Variants in OPCML observed in about 807,000 individuals in gnomAD.
OPCML encodes the protein opioid binding protein/cell adhesion molecule like, also known as opioid-binding protein/cell adhesion molecule.
A neutral mutation model predicts 37.8 loss-of-function variants in OPCML; 13 were observed. The ratio of observed to expected loss-of-function variants is 0.34; its 90% CI spans 0.22 to 0.55. The LOEUF is 0.55. Among genes scored for constraint, OPCML ranks in the 20% least tolerant of loss-of-function variants. The pLI is 0.91. For missense variants in OPCML, 341 were observed against 435.6 expected (o/e 0.78, Z 1.93); for synonymous variants, 176 against 168.8 (o/e 1.04, Z -0.33).
At chr11:132,657,400 A>T in intron 2 of OPCML, 81 bp from the exon 3 acceptor site, 1 of 1,510,786 alleles carries the variant, frequency 6.6e-7, no homozygotes, top group Non-Finnish European at 8.9e-7. Context: ...GGTAAATAAG[A>T]CGTTGCATTT....
chr11:132,557,779 A>G (rs1226217305), intron 3 of OPCML, among the ~76,000 whole-genome samples: 1 of 149,954 alleles, frequency 6.7e-6, no homozygotes, highest in Non-Finnish European at 1.5e-5. Flanking sequence ...TGAGAAGGTG[A>G]TAAGTACACA....
chr11:133,204,885 T>C (rs1298477296), intron 1 of OPCML, among the ~76,000 whole-genome samples: 1 of 31,002 alleles, frequency 3.2e-5, no homozygotes, highest in Non-Finnish European at 8.6e-5. Context: ...TATATATATA[T>C]ATATATATAT....
At position 133,211,311 on chromosome 11, in the gene OPCML, C is replaced by T. The variant is rs1939348034; in HGVS notation, c.62-268301G>A. On this transcript the variant is annotated intron_variant, in intron 1 of 7. Coordinates refer to ENST00000524381, the MANE Select transcript of OPCML (RefSeq NM_001012393.5). This position sits in a 1 kb window ranked among gnomAD's most constrained non-coding sequence, Gnocchi z 4.1. ...ACCACAGCACCCAGCACCTAAAAATCCACTCTTTAAGCATAATAGTCTATT... is the reference window on the plus strand; with the variant it reads ...ACCACAGCACCCAGCACCTAAAAATTCACTCTTTAAGCATAATAGTCTATT... Among the ~76,000 whole-genome samples, 1 of 152,124 alleles carries T rather than the reference C, an allele frequency of 6.6e-6. No individual in the cohort carries two copies. The highest frequency in any genetic ancestry group is 1.5e-5 in the Non-Finnish European group (1 of 68,036).
At chr11:132,500,776 C>G (rs1220963478) in intron 4 of OPCML, among the ~76,000 whole-genome samples, 2 of 152,084 alleles carry the variant, frequency 1.3e-5, no homozygotes, top group Non-Finnish European at 2.9e-5. Context: ...CATTGTTCAT[C>G]TCCCACTTAT....
chr11:133,380,527 G>A (rs1383705752), intron 1 of OPCML, among the ~76,000 whole-genome samples: 2 of 152,122 alleles, frequency 1.3e-5, no homozygotes, highest in African/African-American at 4.8e-5. Context: ...ATGTCAATAT[G>A]GCCTAAAATT....
At chr11:133,371,818 C>T (rs140674880) in intron 1 of OPCML, among the ~76,000 whole-genome samples, 20 of 152,136 alleles carry the variant, frequency 1.3e-4, no homozygotes, top group Non-Finnish European at 2.1e-4. Context: ...TAATTCTATA[C>T]GTACTGGAAT....
At position 133,212,727 on chromosome 11, in the gene OPCML, C is replaced by T. The variant is rs183286242; in HGVS notation, c.62-269717G>A. ...TATGGCTCTGTGTCTATTATCCATT[C>T]GCTTAGAATAGTGTTTGAATGAATG... is the stretch of plus-strand genomic sequence containing the variant. On this transcript the variant is annotated intron_variant, in intron 1 of 7. Coordinates refer to ENST00000524381, the MANE Select transcript of OPCML (RefSeq NM_001012393.5). This position sits in a 1 kb window ranked among gnomAD's most constrained non-coding sequence, Gnocchi z 4.9. Among the ~76,000 whole-genome samples, 121 of 152,286 alleles carry T rather than the reference C, an allele frequency of 7.9e-4. No individual in the cohort carries two copies. Among genetic ancestry groups the T allele is most frequent in the African/African-American group, 2.8e-3 (116 of 41,538 alleles).
intron 1 of OPCML, among the ~76,000 whole-genome samples, chr11:133,090,218 C>T (rs1010008279): frequency 6.6e-6 from 1 of 152,076 alleles, no homozygotes; most frequent in Non-Finnish European, 1.5e-5. Context: ...CCTTACCTCG[C>T]CTGCCAACTC....
intron 1 of OPCML, among the ~76,000 whole-genome samples, chr11:132,986,665 G>T (rs900593568): frequency 1.3e-5 from 2 of 152,102 alleles, no homozygotes; most frequent in African/African-American, 2.4e-5. Flanking sequence ...AGCTTGTAAG[G>T]GTTCTGTATC....
chr11:132,679,379 G>C (rs925493885), intron 2 of OPCML, among the ~76,000 whole-genome samples: 13 of 152,178 alleles, frequency 8.5e-5, no homozygotes, highest in Non-Finnish European at 1.5e-4. Flanking sequence ...TAAAATGTGG[G>C]TATATCCACA....
chr11:133,484,164 G>GA (rs1565660282), intron 1 of OPCML, among the ~76,000 whole-genome samples: 8,334 of 138,268 alleles, frequency 0.06, 292 homozygotes, highest in African/African-American at 0.084. Context: ...AGATAGATAG[G>GA]TAGATAGATA....
At chr11:133,500,363 C>T (rs187949520) in intron 1 of OPCML, among the ~76,000 whole-genome samples, 97 of 152,338 alleles carry the variant, frequency 6.4e-4, no homozygotes, top group Middle Eastern at 3.4e-3. Flanking sequence ...TGGATTAACT[C>T]CTGTCACCAA....
At chr11:132,707,914 T>C (rs943748974) in intron 2 of OPCML, among the ~76,000 whole-genome samples, 1 of 152,156 alleles carries the variant, frequency 6.6e-6, no homozygotes, top group African/African-American at 2.4e-5. Flanking sequence ...ATTTGGGTCA[T>C]ATATGACAGT....
intron 2 of OPCML, among the ~76,000 whole-genome samples, chr11:132,866,340 C>T (rs759775021): frequency 6.6e-6 from 1 of 152,202 alleles, no homozygotes; most frequent in Non-Finnish European, 1.5e-5. Flanking sequence ...ATCATGAAAT[C>T]ATCAAATGCT....
chr11:132,636,489 C>T (rs543005562), intron 3 of OPCML, among the ~76,000 whole-genome samples: 1 of 152,326 alleles, frequency 6.6e-6, no homozygotes, highest in African/African-American at 2.4e-5. Context: ...TACATGCTGG[C>T]ATAGGGAAGT....
chr11:133,221,682 C>T (rs956528750), intron 1 of OPCML, among the ~76,000 whole-genome samples: 3 of 152,104 alleles, frequency 2.0e-5, no homozygotes, highest in Non-Finnish European at 4.4e-5. Flanking sequence ...CTGGATTATC[C>T]TGAGGTGAGA....
intron 1 of OPCML, among the ~76,000 whole-genome samples, chr11:133,286,030 C>A (rs1428603374): frequency 6.6e-6 from 1 of 152,134 alleles, no homozygotes; most frequent in Non-Finnish European, 1.5e-5. Context: ...GATGGAGAGG[C>A]AGGCTTCCTT....
intron 1 of OPCML, among the ~76,000 whole-genome samples, chr11:133,228,776 C>T (rs973135737): frequency 6.6e-6 from 1 of 152,268 alleles, no homozygotes; most frequent in Non-Finnish European, 1.5e-5. Flanking sequence ...GCACCGCACA[C>T]GCGGAGGCTG....
chr11:133,051,911 T>G (rs1441215193), intron 1 of OPCML, among the ~76,000 whole-genome samples: 3 of 152,202 alleles, frequency 2.0e-5, no homozygotes, highest in African/African-American at 4.8e-5. Context: ...CTTTTTGTCA[T>G]GCACTTGTCT....
Sources: allele counts gnomAD v4.1 joint callset (sites outside exome capture counted in the v4.1 genomes callset), GRCh38; gene constraint gnomAD v4.1.1; non-coding constraint Gnocchi (gnomAD v3.1); transcripts MANE v1.5; gene names NCBI Gene and HGNC (gene_info 2026-07-23, HGNC 2026-07-21).